The following SLC24A2 variants were observed in gnomAD, a reference collection of about 807,000 sequenced individuals.
SLC24A2 encodes sodium/potassium/calcium exchanger 2.
SLC24A2 carries 36 observed loss-of-function variants against 62.0 expected under a neutral mutation model. The observed-to-expected ratio is 0.58, with a 90% confidence interval of 0.44 to 0.77. SLC24A2 has a LOEUF of 0.77. Among genes scored for constraint, SLC24A2 ranks in the 30% least tolerant of loss-of-function variants. The probability of loss-of-function intolerance (pLI) is 0.00; values close to 1 mark genes in which losing one functional copy is unlikely to be tolerated. For missense variants in SLC24A2, 846 were observed against 817.9 expected (o/e 1.03, Z -0.42); for synonymous variants, 358 against 294.0 (o/e 1.22, Z -2.23).
chr9:19,651,164 C>T (rs912998245), intron 2 of SLC24A2, among the ~76,000 whole-genome samples: 8 of 152,138 alleles, frequency 5.3e-5, no homozygotes, highest in African/African-American at 1.2e-4. Flanking sequence ...GCAAGAAGCC[C>T]TCTAAGTAAA....
At chr9:19,577,852 A>T (rs12555937) in intron 5 of SLC24A2, among the ~76,000 whole-genome samples, 4 of 148,394 alleles carry the variant, frequency 2.7e-5, no homozygotes, top group African/African-American at 9.8e-5. Flanking sequence ...TATATATATA[A>T]AATATATATA....
the SLC24A2 span, chr9:19,926,176 G>A: frequency 6.6e-5 from 10 of 152,200 alleles, no homozygotes; most frequent in African/African-American, 2.4e-4. Flanking sequence ...ACCACTAGAT[G>A]GCGGGAGAGG....
At chr9:19,778,625 C>G (rs1476308660) in intron 2 of SLC24A2, among the ~76,000 whole-genome samples, 1 of 152,136 alleles carries the variant, frequency 6.6e-6, no homozygotes, top group African/African-American at 2.4e-5. Context: ...ATTTACACTA[C>G]CTGGGTAGTA....
At chr9:19,990,123 C>T in the SLC24A2 span, among the ~76,000 whole-genome samples, 1 of 152,144 alleles carries the variant, frequency 6.6e-6, no homozygotes, top group Non-Finnish European at 1.5e-5. Flanking sequence ...GTTGTGCCTG[C>T]ATTATCTCAT....
the SLC24A2 span, among the ~76,000 whole-genome samples, chr9:20,099,280 G>GCCTATC: frequency 6.6e-6 from 1 of 152,170 alleles, no homozygotes; most frequent in Non-Finnish European, 1.5e-5. Context: ...AATGTCCCCT[G>GCCTATC]CCTATCCCTT....
chr9:20,267,768 C>G, the SLC24A2 span, among the ~76,000 whole-genome samples: 1 of 152,140 alleles, frequency 6.6e-6, no homozygotes, highest in East Asian at 1.9e-4. Flanking sequence ...CAAGAGGAAA[C>G]ACAATTTTTT....
chr9:19,613,466 GA>G (rs1297791162), intron 4 of SLC24A2, among the ~76,000 whole-genome samples: 2 of 152,136 alleles, frequency 1.3e-5, no homozygotes. Flanking sequence ...GAGAGAGGAA[GA>G]TATCACCATT....
At chr9:20,124,239 G>C in the SLC24A2 span, among the ~76,000 whole-genome samples, 1 of 151,876 alleles carries the variant, frequency 6.6e-6, no homozygotes, top group African/African-American at 2.4e-5. Context: ...GGAGGATATG[G>C]TGTTTGATTA....
chr9:19,687,365 T>G (rs1344299109), intron 2 of SLC24A2, among the ~76,000 whole-genome samples: 1 of 152,136 alleles, frequency 6.6e-6, no homozygotes, highest in African/African-American at 2.4e-5. Flanking sequence ...CTTGTGTACA[T>G]AGTCCTCAAG....
intron 2 of SLC24A2, among the ~76,000 whole-genome samples, chr9:19,761,727 C>T (rs375270799): frequency 2.5e-4 from 38 of 151,944 alleles, no homozygotes; most frequent in African/African-American, 5.6e-4. Context: ...TGAAAACATG[C>T]GGTGTTTGGT....
chr9:19,569,012 CATGT>C (rs1340454283), intron 7 of SLC24A2, among the ~76,000 whole-genome samples: 2 of 152,150 alleles, frequency 1.3e-5, no homozygotes, highest in Non-Finnish European at 2.9e-5. Flanking sequence ...CACTAAACAA[CATGT>C]ATTGGAGGTC....
At chr9:20,215,032 C>T in the SLC24A2 span, among the ~76,000 whole-genome samples, 1 of 152,174 alleles carries the variant, frequency 6.6e-6, no homozygotes, top group Non-Finnish European at 1.5e-5. Flanking sequence ...ATACCATAGA[C>T]TAGATGGCCT....
the SLC24A2 span, among the ~76,000 whole-genome samples, chr9:20,033,354 C>G: frequency 6.6e-6 from 1 of 152,116 alleles, no homozygotes; most frequent in African/African-American, 2.4e-5. Context: ...TGGAGACTTG[C>G]AATGAAATAC....
intron 9 of SLC24A2, among the ~76,000 whole-genome samples, 165 bp from the exon 10 acceptor site, chr9:19,521,225 A>G (rs1350912582): frequency 6.6e-6 from 1 of 152,248 alleles, no homozygotes; most frequent in African/African-American, 2.4e-5. Context: ...AATAGAGTTT[A>G]TGCTTTTAGG....
At chr9:20,073,407 A>AATT in the SLC24A2 span, among the ~76,000 whole-genome samples, 1 of 152,084 alleles carries the variant, frequency 6.6e-6, no homozygotes, top group Non-Finnish European at 1.5e-5. Flanking sequence ...TTGGGACCAT[A>AATT]ATTTCATCTT....
the SLC24A2 span, among the ~76,000 whole-genome samples, chr9:20,102,110 G>C: frequency 3.3e-5 from 5 of 152,302 alleles, no homozygotes; most frequent in African/African-American, 1.2e-4. Flanking sequence ...CCCATGGCCA[G>C]ATCAGAGTCC....
the SLC24A2 span, among the ~76,000 whole-genome samples, chr9:20,148,214 T>C: frequency 6.7e-6 from 1 of 148,582 alleles, no homozygotes; most frequent in African/African-American, 2.5e-5. Context: ...TATGTAAATA[T>C]ATATCATATA....
At chr9:19,805,821 A>T in the SLC24A2 span, among the ~76,000 whole-genome samples, 2 of 145,368 alleles carry the variant, frequency 1.4e-5, no homozygotes, top group African/African-American at 2.5e-5. Flanking sequence ...AAACACTTTC[A>T]TGGGTCTGAG....
At chr9:19,738,059 A>G (rs1251611159) in intron 2 of SLC24A2, among the ~76,000 whole-genome samples, 1 of 152,236 alleles carries the variant, frequency 6.6e-6, no homozygotes, top group Non-Finnish European at 1.5e-5. Context: ...ATTAAAAATC[A>G]GAATGCAAGA....
Sources: gnomAD v4.1 joint callset for allele counts (sites outside exome capture counted in the v4.1 genomes callset) on GRCh38, gnomAD v4.1.1 for gene constraint, MANE v1.5 for transcripts, NCBI Gene and HGNC (gene_info 2026-07-23, HGNC 2026-07-21) for gene names.